Variants in KANTR observed in about 807,000 individuals in gnomAD.
KANTR encodes the protein KANTR integral membrane protein.
intron 2 of KANTR, among the ~76,000 whole-genome samples, chrX:53,121,085 A>G (rs188717195): frequency 2.9e-3 from 303 of 106,041 alleles, no homozygotes; most frequent in African/African-American, 9.5e-3. Flanking sequence ...TGCCACCCCC[A>G]CCTCCCAGGT....
At chrX:53,126,246 A>G (rs910619351) in exon 3 of KANTR, 7 of 110,875 alleles carry the variant, frequency 6.3e-5, no homozygotes, top group African/African-American at 1.3e-4. Context: ...TGCTTTTCAT[A>G]ATTTCTGGGA....
At chrX:53,104,812 A>G (rs183830144) in intron 2 of KANTR, among the ~76,000 whole-genome samples, 174 of 111,296 alleles carry the variant, frequency 1.6e-3, no homozygotes, top group Non-Finnish European at 2.9e-3. Flanking sequence ...AGTTGCTTTC[A>G]TGTTGGCCAA....
At chrX:53,146,752 A>G (rs782170585), downstream of KANTR, among the ~76,000 whole-genome samples, 2 of 112,404 alleles carry the variant, frequency 1.8e-5, no homozygotes, top group Admixed American at 9.5e-5. Flanking sequence ...AGGGAAGCCC[A>G]TCAGACTAAC....
intron 2 of KANTR, among the ~76,000 whole-genome samples, chrX:53,136,731 T>TATATATA (rs1491428007): frequency 8.0e-4 from 40 of 50,019 alleles, no homozygotes; most frequent in Non-Finnish European, 1.2e-3. Flanking sequence ...TATATATATA[T>TATATATA]TTTGTTTGTT....
chrX:53,144,585 A>C (rs941522868), downstream of KANTR, among the ~76,000 whole-genome samples: 6 of 111,094 alleles, frequency 5.4e-5, no homozygotes, highest in Non-Finnish European at 1.1e-4. Flanking sequence ...AATCCCAGCT[A>C]CTTGGGAGGC....
chrX:53,109,456 G>T (rs1556813367), intron 2 of KANTR, among the ~76,000 whole-genome samples: 1 of 110,930 alleles, frequency 9.0e-6, no homozygotes, highest in African/African-American at 3.3e-5. Flanking sequence ...TGCTAATTTT[G>T]TATTTTTAGT....
intron 2 of KANTR, among the ~76,000 whole-genome samples, chrX:53,114,257 G>C (rs1174414907): frequency 8.9e-6 from 1 of 111,931 alleles, no homozygotes; most frequent in African/African-American, 3.2e-5. Flanking sequence ...TGTTGCCCAG[G>C]CTGTTCTCAA....
intron 2 of KANTR, among the ~76,000 whole-genome samples, chrX:53,135,005 G>T (rs1252851048): frequency 8.9e-6 from 1 of 111,864 alleles, no homozygotes; most frequent in Non-Finnish European, 1.9e-5. Context: ...TGAGGTGAAG[G>T]ATTTTGAAAG....
chrX:53,098,892 AT>A (rs1473905747), intron 1 of KANTR, among the ~76,000 whole-genome samples: 1 of 110,594 alleles, frequency 9.0e-6, no homozygotes, highest in African/African-American at 3.3e-5. Context: ...CGCCCAGCCA[AT>A]TTTTAAAATT....
intron 2 of KANTR, among the ~76,000 whole-genome samples, chrX:53,105,827 G>A (rs1349438973): frequency 5.2e-5 from 5 of 95,589 alleles, no homozygotes; most frequent in African/African-American, 1.9e-4. Context: ...CTGGATATAA[G>A]TCCTTTGTCA....
chrX:53,108,743 C>T (rs1932987105), intron 2 of KANTR, among the ~76,000 whole-genome samples: 1 of 109,881 alleles, frequency 9.1e-6, no homozygotes, highest in Admixed American at 9.8e-5. Context: ...CTCTGTAACC[C>T]AGGCTGCAGC....
intron 2 of KANTR, among the ~76,000 whole-genome samples, chrX:53,111,149 A>G (rs2146729437): frequency 9.2e-6 from 1 of 108,153 alleles, no homozygotes; most frequent in South Asian, 4.2e-4. Context: ...AATAGCTGCA[A>G]CTAGAGGCAT....
intron 2 of KANTR, among the ~76,000 whole-genome samples, chrX:53,116,092 G>C (rs186268409): frequency 1.8e-5 from 2 of 111,814 alleles, no homozygotes; most frequent in Admixed American, 1.9e-4. Flanking sequence ...GCATTATGTG[G>C]CCTCTGAGTT....
downstream of KANTR, chrX:53,143,298 A>C: frequency 1.6e-6 from 1 of 620,123 alleles, no homozygotes; most frequent in Non-Finnish European, 2.7e-6. Flanking sequence ...GATGTCGCGC[A>C]CAATCTCCTG....
chrX:53,108,534 G>A (rs189912046), intron 2 of KANTR, among the ~76,000 whole-genome samples: 124 of 111,702 alleles, frequency 1.1e-3, no homozygotes, highest in Non-Finnish European at 6.2e-4. Flanking sequence ...TTCATTGCTA[G>A]TGCATAGAAA....
At chrX:53,119,315 GTATTATA>G (rs1312118659) in intron 2 of KANTR, among the ~76,000 whole-genome samples, 11 of 111,252 alleles carry the variant, frequency 9.9e-5, no homozygotes, top group Non-Finnish European at 1.7e-4. Context: ...CATCTTTTCT[GTATTATA>G]GCCAGCAATT....
At chrX:53,120,994 T>G (rs937639205) in intron 2 of KANTR, among the ~76,000 whole-genome samples, 2 of 108,594 alleles carry the variant, frequency 1.8e-5, no homozygotes, top group Non-Finnish European at 3.8e-5. Context: ...GGTGTTGTTT[T>G]TTTTTGTTTG....
At chrX:53,130,284 C>G (rs782537502), downstream of KANTR, among the ~76,000 whole-genome samples, 6 of 112,561 alleles carry the variant, frequency 5.3e-5, no homozygotes, top group South Asian at 2.2e-3. Context: ...TATTCTGAAG[C>G]CTTAGAAAGA....
At chrX:53,144,256 A>G (rs959333423), downstream of KANTR, among the ~76,000 whole-genome samples, 17 of 111,238 alleles carry the variant, frequency 1.5e-4, 1 homozygote, top group East Asian at 2.8e-4. Flanking sequence ...TCAGCCAAGC[A>G]TGGTGGTGCG....
Sources: gnomAD v4.1 joint callset for allele counts (sites outside exome capture counted in the v4.1 genomes callset) on GRCh38, gnomAD v4.1.1 for gene constraint, MANE v1.5 for transcripts, NCBI Gene and HGNC (gene_info 2026-07-23, HGNC 2026-07-21) for gene names.